Variants in PITPNM2 observed in about 807,000 individuals in gnomAD.
PITPNM2 encodes the protein membrane-associated phosphatidylinositol transfer protein 2.
PITPNM2 carries 35 observed loss-of-function variants against 132.2 expected under a neutral mutation model. The ratio of observed to expected loss-of-function variants is 0.26; its 90% CI spans 0.20 to 0.35. The LOEUF (loss-of-function observed/expected upper bound fraction) is 0.35, where lower values mean the gene tolerates loss of function less well. PITPNM2 is among the 10% of genes least tolerant of loss of function. The pLI is 1.00. For synonymous variants in PITPNM2, 738 were observed against 799.2 expected, an observed-to-expected ratio of 0.92 and a Z score of 1.29; for missense variants, 1,332 against 1,912.0, an observed-to-expected ratio of 0.70 and a Z score of 5.66.
At chr12:123,149,252 A>T (rs2137743756) in intron 1 of PITPNM2, among the ~76,000 whole-genome samples, 1 of 152,240 alleles carries the variant, frequency 6.6e-6, no homozygotes, top group South Asian at 2.1e-4. Context: ...CAGGAGAGAG[A>T]ATGGCCCATT....
chr12:123,134,885 G>A (rs961249065), intron 1 of PITPNM2, among the ~76,000 whole-genome samples: 3 of 152,188 alleles, frequency 2.0e-5, no homozygotes, highest in African/African-American at 7.2e-5. Flanking sequence ...TGACTACAGA[G>A]GGTTGTTGTG....
intron 2 of PITPNM2, among the ~76,000 whole-genome samples, chr12:123,048,068 C>A (rs534261575): frequency 1.4e-5 from 2 of 146,554 alleles, no homozygotes; most frequent in East Asian, 4.1e-4. Flanking sequence ...AACTGTACTC[C>A]AGCCTGGGCA....
chr12:123,050,884 G>T (rs57719471), intron 2 of PITPNM2, among the ~76,000 whole-genome samples: 3,836 of 152,144 alleles, frequency 0.025, 146 homozygotes, highest in African/African-American at 0.086. Context: ...GAAACACAAA[G>T]GAAAAAAACC....
At position 123,108,653 on chromosome 12, in the gene PITPNM2, C is replaced by CA. The variant is rs2042771623; in HGVS notation, c.-96+1731dup. On this transcript the variant is annotated intron_variant, in intron 2 of 25. Transcript: ENST00000320201. This position sits in a 1 kb window ranked among gnomAD's most constrained non-coding sequence, Gnocchi z 4.4. ...AGTGAATTAAAACAAAACAGAAAAACAAAAAATACAACATAGCACTCTCTC... is the reference window on the plus strand; with the variant it reads ...AGTGAATTAAAACAAAACAGAAAAACAAAAAAATACAACATAGCACTCTCTC... 6.6e-6 allele frequency among the ~76,000 whole-genome samples: 1 copy of CA among 152,128 alleles called. No individual in the cohort carries two copies. The highest frequency in any genetic ancestry group is 1.5e-5 in the Non-Finnish European group (1 of 68,020).
At chr12:123,070,655 G>A (rs1360892906) in intron 2 of PITPNM2, among the ~76,000 whole-genome samples, 4 of 152,218 alleles carry the variant, frequency 2.6e-5, no homozygotes, top group East Asian at 1.9e-4. Context: ...GATGCTCCTC[G>A]GTGTGCCACT....
In PITPNM2 at chr12:123,078,633, T is replaced by C. The variant is rs1175803584; in HGVS notation, c.-96+31752A>G. Reference sequence around the variant, plus strand: ...AGTCACATCTTCCCACCCTCAGGGATAAGGGGATACCCACCTATGGAAGGG... The same window carrying C: ...AGTCACATCTTCCCACCCTCAGGGACAAGGGGATACCCACCTATGGAAGGG... On this transcript the variant is annotated intron_variant, in intron 2 of 25. Coordinates refer to ENST00000320201, the MANE Select transcript of PITPNM2 (RefSeq NM_020845.3). This position sits in a 1 kb window ranked among gnomAD's most constrained non-coding sequence, Gnocchi z 7.3. Among the ~76,000 whole-genome samples, 1 of 152,164 alleles carries C rather than the reference T, an allele frequency of 6.6e-6. No homozygotes were observed. Among genetic ancestry groups the C allele is most frequent in the East Asian group, 1.9e-4 (1 of 5,202 alleles).
intron 1 of PITPNM2, among the ~76,000 whole-genome samples, chr12:123,115,153 G>C (rs2042911124): frequency 6.6e-6 from 1 of 152,174 alleles, no homozygotes; most frequent in Non-Finnish European, 1.5e-5. Context: ...CAGGCCAAGA[G>C]GAGGAGCTGG....
intron 2 of PITPNM2, among the ~76,000 whole-genome samples, chr12:123,065,428 A>G (rs1373158589): frequency 6.6e-6 from 1 of 152,220 alleles, no homozygotes; most frequent in Non-Finnish European, 1.5e-5. Context: ...AGACGGAGTC[A>G]ATGGGGAACC....
At chr12:123,010,373 C>T (rs1377444244) in intron 5 of PITPNM2, among the ~76,000 whole-genome samples, 4 of 152,178 alleles carry the variant, frequency 2.6e-5, no homozygotes, top group Non-Finnish European at 2.9e-5. Flanking sequence ...TATGAGCCAA[C>T]GAGCCTGGCC....
intron 13 of PITPNM2, among the ~76,000 whole-genome samples, chr12:122,995,933 C>T (rs1594128179): frequency 6.6e-6 from 1 of 152,202 alleles, no homozygotes; most frequent in Non-Finnish European, 1.5e-5. Context: ...GGAACCAGAC[C>T]CCACTGCCCG....
intron 2 of PITPNM2, among the ~76,000 whole-genome samples, chr12:123,096,608 G>A (rs2042416688): frequency 6.6e-6 from 1 of 152,168 alleles, no homozygotes; most frequent in South Asian, 2.1e-4. Flanking sequence ...GGAGCAGAGA[G>A]GAACAGGGAA....
chr12:123,130,490 A>C (rs1182757591), intron 1 of PITPNM2, among the ~76,000 whole-genome samples: 1 of 152,048 alleles, frequency 6.6e-6, no homozygotes, highest in Non-Finnish European at 1.5e-5. Context: ...AGAGAAACAA[A>C]AGAAAGCTTT....
At chr12:122,991,806 G>A in intron 16 of PITPNM2, 2 of 1,302,000 alleles carry the variant, frequency 1.5e-6, no homozygotes, top group Non-Finnish European at 2.0e-6. Flanking sequence ...GCGGGAACAG[G>A]CATACTGGTT....
chr12:123,056,255 C>G (rs1346984734), intron 2 of PITPNM2, among the ~76,000 whole-genome samples: 1 of 152,202 alleles, frequency 6.6e-6, no homozygotes, highest in Non-Finnish European at 1.5e-5. Flanking sequence ...ACAGTGGCCT[C>G]AGAGTACTCG....
At position 123,135,657 on chromosome 12, in the gene PITPNM2, C is replaced by T. The variant is rs913199549; in HGVS notation, c.-200+15096G>A. 2.0e-5 allele frequency among the ~76,000 whole-genome samples: 3 copies of T among 152,150 alleles called. No individual in the cohort carries two copies. The South Asian group carries it at 6.2e-4, about 32-fold the overall frequency. On this transcript the variant is annotated intron_variant, in intron 1 of 25. Transcript: ENST00000320201. ...GTTCTATTTCATGTAACATAATGTC[C>T]TAAACGTTCATCCATGTTATTCCAC...
chr12:123,139,074 G>T (rs2043442602), intron 1 of PITPNM2, among the ~76,000 whole-genome samples: 1 of 151,642 alleles, frequency 6.6e-6, no homozygotes. Flanking sequence ...GGAGGTTGAG[G>T]TTGCAGTGAG....
At chr12:123,029,827 CTGTGTGTG>C (rs57222285) in intron 3 of PITPNM2, among the ~76,000 whole-genome samples, 30 of 135,484 alleles carry the variant, frequency 2.2e-4, no homozygotes, top group Non-Finnish European at 2.9e-4. Context: ...ACATATGTGT[CTGTGTGTG>C]TGTGTGTGTG....
chr12:123,105,843 GAGAA>G (rs1001597341), intron 2 of PITPNM2, among the ~76,000 whole-genome samples: 7 of 152,214 alleles, frequency 4.6e-5, no homozygotes, highest in African/African-American at 1.4e-4. Context: ...GAAAGGTGGT[GAGAA>G]AGAGTTTCCC....
rs1291603294 is a variant in PITPNM2, at chr12:122,985,025, A to G, written c.*1002T>C. 1.3e-5 allele frequency: 2 copies of G among 152,372 alleles called. No homozygotes were observed. Among genetic ancestry groups the G allele is most frequent in the South Asian group, 2.1e-4 (1 of 4,826 alleles). 9.4% of individuals were successfully genotyped at this position (152,372 alleles called of 1,614,324 possible). A position where few individuals can be genotyped will look rare whatever the true frequency, so the allele number is the denominator to read the frequency against. ...GTGCCCCACCCACCCCAGAGTAGAA[A>G]TTCAGTGGGATTGCCGGGGCCAGGT... On this transcript the variant is annotated 3_prime_UTR_variant, in exon 26 of 26. Coordinates refer to ENST00000320201, the MANE Select transcript of PITPNM2 (RefSeq NM_020845.3).
Sources: gnomAD v4.1 joint callset for allele counts (sites outside exome capture counted in the v4.1 genomes callset) on GRCh38, gnomAD v4.1.1 for gene constraint, Gnocchi (gnomAD v3.1) non-coding constraint, MANE v1.5 for transcripts, NCBI Gene and HGNC (gene_info 2026-07-23, HGNC 2026-07-21) for gene names.